Variants in NPLOC4 observed in about 807,000 individuals in gnomAD.
NPLOC4 encodes the protein NPL4 homolog, ubiquitin recognition factor, also known as nuclear protein localization protein 4 homolog.
Under a neutral mutation model 80.6 loss-of-function variants are expected in NPLOC4, and 18 were observed. The ratio of observed to expected loss-of-function variants is 0.22; its 90% CI spans 0.15 to 0.33. The LOEUF is 0.33. Among genes scored for constraint, NPLOC4 ranks in the 10% least tolerant of loss-of-function variants. The pLI is 1.00. For missense variants in NPLOC4, 540 were observed against 786.1 expected, an observed-to-expected ratio of 0.69 and a Z score of 3.74; for synonymous variants, 313 against 301.5, an observed-to-expected ratio of 1.04 and a Z score of -0.39.
intron 11 of NPLOC4, among the ~76,000 whole-genome samples, chr17:81,589,824 C>A (rs2034688279): frequency 6.6e-6 from 1 of 150,796 alleles, no homozygotes; most frequent in South Asian, 2.1e-4. Context: ...ATAGTGAGAC[C>A]CTATCTTTAC....
At chr17:81,584,593 G>T (rs2034526379) in intron 12 of NPLOC4, among the ~76,000 whole-genome samples, 1 of 152,186 alleles carries the variant, frequency 6.6e-6, no homozygotes, top group African/African-American at 2.4e-5. Context: ...GCAACACTGG[G>T]AAAAGCCCAG....
chr17:81,573,964 C>T (rs1460714757), intron 12 of NPLOC4, among the ~76,000 whole-genome samples: 3 of 152,328 alleles, frequency 2.0e-5, no homozygotes, highest in Non-Finnish European at 2.9e-5. Context: ...GATGGGCTTC[C>T]GCATTCTGCG....
chr17:81,559,955 G>A (rs552752855), intron 16 of NPLOC4, among the ~76,000 whole-genome samples: 237 of 151,296 alleles, frequency 1.6e-3, no homozygotes, highest in Middle Eastern at 3.4e-3. Flanking sequence ...GGCTGGTCTC[G>A]AACTCCTGAC....
intron 7 of NPLOC4, 60 bp from the exon 8 acceptor site, chr17:81,604,787 T>G (rs2035154747): frequency 7.0e-7 from 1 of 1,424,516 alleles, no homozygotes; most frequent in Non-Finnish European, 9.6e-7. Context: ...ATCACTTGTT[T>G]TTCTAACACA....
intron 2 of NPLOC4, among the ~76,000 whole-genome samples, chr17:81,629,120 C>T (rs1184349096): frequency 1.3e-5 from 2 of 151,732 alleles, no homozygotes; most frequent in African/African-American, 2.4e-5. Context: ...CCTTGTGATC[C>T]GCCCGCCTCG....
chr17:81,628,412 G>C (rs1226000901), intron 2 of NPLOC4, among the ~76,000 whole-genome samples: 1 of 151,058 alleles, frequency 6.6e-6, no homozygotes, highest in African/African-American at 2.4e-5. Flanking sequence ...TACTCGAGAG[G>C]CTTAGGCAGA....
intron 7 of NPLOC4, among the ~76,000 whole-genome samples, chr17:81,606,457 T>C (rs936494148): frequency 3.9e-5 from 6 of 152,128 alleles, no homozygotes; most frequent in Non-Finnish European, 8.8e-5. Context: ...TCTGCCTCCA[T>C]ATGAGCCAGC....
chr17:81,609,901 G>A (rs1186371695), intron 5 of NPLOC4, among the ~76,000 whole-genome samples: 4 of 152,222 alleles, frequency 2.6e-5, no homozygotes, highest in Admixed American at 1.3e-4. Context: ...CACGGAGGCC[G>A]ACAGGCTCAG....
intron 15 of NPLOC4, chr17:81,566,477 C>A (rs2034015426): frequency 6.6e-6 from 1 of 152,176 alleles, no homozygotes; most frequent in Non-Finnish European, 1.5e-5. Flanking sequence ...TCACCTTTCA[C>A]CACCTGTCCA....
chr17:81,559,379 G>A lies in NPLOC4; in HGVS notation c.1707C>T (p.Tyr569=), dbSNP rs139547131. 6.7e-4 allele frequency: 1,073 copies of A among 1,610,014 alleles called. 3 individuals carry two copies. The African/African-American group carries it at 8.3e-3, about 13-fold the overall frequency. Residue 569 remains tyrosine (Y), a synonymous_variant, in exon 17 of 17, where the codon TAC becomes TAT. Coordinates refer to ENST00000331134, the MANE Select transcript of NPLOC4 (RefSeq NM_017921.4). ...VGGQLPGLHE[Y]GAVGGSTHTA... ...TGTGTGTGGAGCCCCCGACGGCGCCGTACTCATGGAGACCTGGGAGCTGCC... is the reference window on the plus strand; with the variant it reads ...TGTGTGTGGAGCCCCCGACGGCGCCATACTCATGGAGACCTGGGAGCTGCC...
At position 81,636,973 on chromosome 17, in the gene NPLOC4, C is replaced by T. The variant is rs1235330362; in HGVS notation, c.-43G>A. 3 of 1,237,560 alleles carry T rather than the reference C, an allele frequency of 2.4e-6. No homozygotes were observed. The highest frequency in any genetic ancestry group is 2.9e-5 in the South Asian group (1 of 34,996). 76.7% of individuals were successfully genotyped at this position (1,237,560 alleles called of 1,614,324 possible). A position where few individuals can be genotyped will look rare whatever the true frequency, so the allele number is the denominator to read the frequency against. ...CCGGGCTCGAGCCCCGGGCCGCCGC[C>T]GCCTGCCGCCCCAAGGGCCTCGCAG... is the stretch of plus-strand genomic sequence containing the variant. On this transcript the variant is annotated 5_prime_UTR_variant, in exon 1 of 17. Transcript: ENST00000331134.
intron 12 of NPLOC4, among the ~76,000 whole-genome samples, chr17:81,578,642 G>A (rs1308825248): frequency 1.3e-5 from 2 of 152,296 alleles, no homozygotes; most frequent in South Asian, 2.1e-4. Context: ...GAGAAGTGCC[G>A]AGCAAAGGGG....
intron 5 of NPLOC4, among the ~76,000 whole-genome samples, 175 bp downstream of exon 5, chr17:81,610,035 G>A (rs961496856): frequency 6.6e-6 from 1 of 152,162 alleles, no homozygotes. Context: ...ATAAATAAAG[G>A]CTCGTCCTGT....
At chr17:81,623,836 AAC>A (rs2035731275) in intron 2 of NPLOC4, among the ~76,000 whole-genome samples, 1 of 152,146 alleles carries the variant, frequency 6.6e-6, no homozygotes, top group African/African-American at 2.4e-5. Flanking sequence ...TCTGAAACCT[AAC>A]ACAGAATGGT....
intron 2 of NPLOC4, among the ~76,000 whole-genome samples, chr17:81,624,580 G>A (rs976323778): frequency 4.9e-4 from 74 of 151,990 alleles, no homozygotes; most frequent in African/African-American, 1.6e-3. Context: ...CCTGGGCAAC[G>A]GAACAAGACT....
intron 2 of NPLOC4, among the ~76,000 whole-genome samples, chr17:81,627,595 C>T (rs1464269443): frequency 1.3e-5 from 2 of 151,908 alleles, no homozygotes; most frequent in Non-Finnish European, 2.9e-5. Flanking sequence ...CAAACTTAGC[C>T]GGACTTGGTG....
intron 1 of NPLOC4, among the ~76,000 whole-genome samples, chr17:81,631,722 C>T (rs1221231002): frequency 6.6e-6 from 1 of 152,082 alleles, no homozygotes; most frequent in Non-Finnish European, 1.5e-5. Flanking sequence ...CCTAGCTTCT[C>T]CTCTCAGCAA....
chr17:81,622,586 T>C (rs1442491691), intron 2 of NPLOC4, among the ~76,000 whole-genome samples: 2 of 152,252 alleles, frequency 1.3e-5, no homozygotes, highest in East Asian at 3.9e-4. Context: ...AGTCTCGTTC[T>C]GTAGCCCAAG....
Position 81,572,102 on chromosome 17 carries a change from AG to A in NPLOC4, c.1282-15del. On this transcript the variant is annotated splice_polypyrimidine_tract_variant and intron_variant, in intron 12 of 16. Transcript: ENST00000331134. The surrounding 1 kb of genome is among the most constrained non-coding windows in gnomAD (Gnocchi z 4.5). ...CTTGTCTACGTCCTGCAATAGTCAGAGGGGAACAGCGGTGAGCAAAGACGAT... is the reference window on the plus strand; with the variant it reads ...CTTGTCTACGTCCTGCAATAGTCAGAGGGAACAGCGGTGAGCAAAGACGAT... The A allele has an allele frequency of 6.2e-7, 1 of 1,600,260 alleles. No individual in the cohort carries two copies. Among genetic ancestry groups the A allele is most frequent in the Non-Finnish European group, 8.5e-7 (1 of 1,170,564 alleles).
Sources: allele counts gnomAD v4.1 joint callset (sites outside exome capture counted in the v4.1 genomes callset), GRCh38; gene constraint gnomAD v4.1.1; non-coding constraint Gnocchi (gnomAD v3.1); transcripts MANE v1.5; gene names NCBI Gene and HGNC (gene_info 2026-07-23, HGNC 2026-07-21).